The following ASCC3 variants were observed in gnomAD, a reference collection of about 807,000 sequenced individuals.
The protein encoded by ASCC3 is ASC-1 complex subunit P200.
In ASCC3, 158 loss-of-function variants were observed where a neutral mutation model predicts 256.3. That is an observed-to-expected ratio of 0.62 (90% CI 0.54 to 0.70). The LOEUF is 0.70. Ranked by LOEUF, ASCC3 falls within the 30% of genes least tolerant of loss-of-function variation. ASCC3 has a pLI of 0.00. For synonymous variants in ASCC3, 948 were observed against 883.4 expected (o/e 1.07, Z -1.30); for missense variants, 2,259 against 2,626.0 (o/e 0.86, Z 3.05).
At chr6:100,726,021 T>A (rs2115040305) in intron 10 of ASCC3, among the ~76,000 whole-genome samples, 1 of 151,408 alleles carries the variant, frequency 6.6e-6, no homozygotes, top group African/African-American at 2.4e-5. Flanking sequence ...AGAACACTAT[T>A]TTTTAAAGTA....
chr6:100,819,799 G>T (rs1286328733), intron 4 of ASCC3, among the ~76,000 whole-genome samples: 8 of 152,084 alleles, frequency 5.3e-5, no homozygotes. Context: ...CCAGTCCACT[G>T]ACTCAAATTT....
chr6:100,836,869 A>C (rs973049286), intron 4 of ASCC3, among the ~76,000 whole-genome samples: 1 of 151,902 alleles, frequency 6.6e-6, no homozygotes, highest in African/African-American at 2.4e-5. Flanking sequence ...AGATCCTGGA[A>C]TTTTCTTTGA....
intron 30 of ASCC3, among the ~76,000 whole-genome samples, chr6:100,608,115 TATCTA>T: frequency 8.0e-6 from 1 of 125,108 alleles, no homozygotes; most frequent in East Asian, 2.2e-4. Context: ...TATGTATATA[TATCTA>T]TATATACATA....
chr6:100,538,476 A>C (rs1775278966), intron 37 of ASCC3, among the ~76,000 whole-genome samples: 1 of 152,192 alleles, frequency 6.6e-6, no homozygotes, highest in Non-Finnish European at 1.5e-5. Flanking sequence ...TAAAACAATA[A>C]AATTGTTATT....
At chr6:100,744,411 G>C (rs1451032446) in intron 10 of ASCC3, among the ~76,000 whole-genome samples, 9 of 152,084 alleles carry the variant, frequency 5.9e-5, no homozygotes, top group Non-Finnish European at 1.0e-4. Flanking sequence ...GTAATATAAA[G>C]AGACAAGGTC....
chr6:100,730,972 T>C (rs189382565), intron 10 of ASCC3, among the ~76,000 whole-genome samples: 1 of 152,302 alleles, frequency 6.6e-6, no homozygotes, highest in Non-Finnish European at 1.5e-5. Context: ...AGTACAAAAG[T>C]ATTCTCACAG....
At position 100,655,829 on chromosome 6, in the gene ASCC3, A is replaced by C; in HGVS notation, c.2704-11T>G. 6.2e-7 allele frequency: 1 copy of C among 1,610,032 alleles called. No homozygotes were observed. The highest frequency in any genetic ancestry group is 1.7e-4 in the Middle Eastern group (1 of 6,054). ...TGTTCCCAGAGCAATCTGCAAATCA[A>C]AAAGATGACAGAAATTAATGTATTA... On this transcript the variant is annotated splice_polypyrimidine_tract_variant and intron_variant, in intron 16 of 41. Coordinates refer to ENST00000369162, the MANE Select transcript of ASCC3 (RefSeq NM_006828.4).
Position 100,848,475 on chromosome 6 carries a change from G to T in ASCC3, c.474C>A (p.Gly158=). The T allele has an allele frequency of 1.2e-6, 2 of 1,612,914 alleles. No homozygotes were observed. Among genetic ancestry groups the T allele is most frequent in the Non-Finnish European group, 1.7e-6 (2 of 1,179,354 alleles). ...ALVQMTEKEH[G]DRVFFGKNLA... ...AATTTTTACCAAAAAAAACCCTATC[G>T]CCATGTTCTTTTTCTGTCATCTGCA... The change falls in exon 4 of 42, where the codon GGC becomes GGA. Residue 158 remains glycine, a synonymous_variant. Transcript: ENST00000369162.
chr6:100,843,445 C>T (rs916054288), intron 4 of ASCC3, among the ~76,000 whole-genome samples: 4 of 152,118 alleles, frequency 2.6e-5, no homozygotes, highest in Admixed American at 6.6e-5. Flanking sequence ...AAGCAAACTA[C>T]GGTTGTATCA....
chr6:100,577,141 G>A lies in ASCC3; in HGVS notation c.5550+12493C>T, dbSNP rs115810371. On this transcript the variant is annotated intron_variant, in intron 36 of 41. Transcript: ENST00000369162. ...AGGCAGGTCCAATCCTGATCCCTAC[G>A]TTGTAAAAAAAATCACCTATCACAC... Among the ~76,000 whole-genome samples, 925 of 151,680 alleles carry A rather than the reference G, an allele frequency of 6.1e-3. 13 individuals are homozygous for A. The highest frequency in any genetic ancestry group is 0.021 in the African/African-American group (874 of 41,390).
At chr6:100,538,164 T>C (rs1362127108) in intron 37 of ASCC3, among the ~76,000 whole-genome samples, 2 of 152,100 alleles carry the variant, frequency 1.3e-5, no homozygotes, top group African/African-American at 4.8e-5. Flanking sequence ...ATTTAATTCA[T>C]CTTGCCACTT....
chr6:100,525,285 C>T (rs1448492136), intron 37 of ASCC3, among the ~76,000 whole-genome samples: 1 of 150,274 alleles, frequency 6.7e-6, no homozygotes, highest in Admixed American at 6.6e-5. Flanking sequence ...GATATATTGT[C>T]ATCAGAGTTT....
chr6:100,873,816 C>G (rs1773861639), intron 1 of ASCC3, among the ~76,000 whole-genome samples: 2 of 152,084 alleles, frequency 1.3e-5, no homozygotes, highest in Non-Finnish European at 2.9e-5. Flanking sequence ...TCTTTTTAGG[C>G]AAACAAATGC....
intron 36 of ASCC3, among the ~76,000 whole-genome samples, chr6:100,558,629 TATC>T (rs995599055): frequency 3.6e-4 from 55 of 152,276 alleles, no homozygotes; most frequent in African/African-American, 1.2e-3. Context: ...CATTTGAAGA[TATC>T]ATAGTTTTCT....
chr6:100,574,419 C>T (rs1770754306), intron 36 of ASCC3, among the ~76,000 whole-genome samples: 2 of 152,080 alleles, frequency 1.3e-5, no homozygotes, highest in Admixed American at 1.3e-4. Context: ...CTAACACTGT[C>T]TTTTCCCTGT....
intron 30 of ASCC3, among the ~76,000 whole-genome samples, chr6:100,618,369 A>C (rs937166577): frequency 2.0e-5 from 3 of 152,236 alleles, no homozygotes; most frequent in African/African-American, 7.2e-5. Context: ...TAGGTGGATG[A>C]ACTCTTAGAA....
intron 12 of ASCC3, among the ~76,000 whole-genome samples, chr6:100,717,669 T>C (rs1265991291): frequency 6.6e-6 from 1 of 152,082 alleles, no homozygotes. Context: ...TTATTTTCAA[T>C]TGAGTATGAG....
In ASCC3 at chr6:100,631,108, G is replaced by A. The variant is rs746030246; in HGVS notation, c.4208+20C>T. The A allele has an allele frequency of 6.5e-7, 1 of 1,538,942 alleles. No homozygotes were observed. Among genetic ancestry groups the A allele is most frequent in the South Asian group, 1.1e-5 (1 of 88,758 alleles). The stretch of plus-strand genomic sequence containing the variant: ...TTAGTCAATTCAAAGCGTATCTTTT[G>A]AGTAAAAGTAAGAACTTACTTTTTA... On this transcript the variant is annotated intron_variant, in intron 26 of 41. Coordinates refer to ENST00000369162, the MANE Select transcript of ASCC3 (RefSeq NM_006828.4).
intron 3 of ASCC3, among the ~76,000 whole-genome samples, chr6:100,849,666 A>G (rs1479660679): frequency 6.6e-6 from 1 of 152,176 alleles, no homozygotes; most frequent in Non-Finnish European, 1.5e-5. Context: ...CAAATAAAAA[A>G]AAGAATCTGT....
Sources: allele counts gnomAD v4.1 joint callset (sites outside exome capture counted in the v4.1 genomes callset), GRCh38; gene constraint gnomAD v4.1.1; transcripts MANE v1.5; gene names NCBI Gene and HGNC (gene_info 2026-07-23, HGNC 2026-07-21).